Variants in MCCC1 observed in about 807,000 individuals in gnomAD.
MCCC1 encodes the protein methylcrotonyl-CoA carboxylase subunit 1.
MCCC1 carries 64 observed loss-of-function variants against 83.8 expected under a neutral mutation model. The ratio of observed to expected loss-of-function variants is 0.76; its 90% CI spans 0.62 to 0.94. The LOEUF (loss-of-function observed/expected upper bound fraction) is 0.94, where lower values mean the gene tolerates loss of function less well. Ranked by LOEUF, MCCC1 falls within the 40% of genes least tolerant of loss-of-function variation. MCCC1 has a pLI of 0.00. For missense variants in MCCC1, 807 were observed against 904.7 expected (o/e 0.89, Z 1.39); for synonymous variants, 322 against 315.4 (o/e 1.02, Z -0.22).
chr3:183,043,116 C>G (rs1041686327), intron 10 of MCCC1, among the ~76,000 whole-genome samples: 1 of 152,162 alleles, frequency 6.6e-6, no homozygotes, highest in Non-Finnish European at 1.5e-5. Flanking sequence ...ATGGTGAAAC[C>G]CTGTCTCTAC....
intron 1 of MCCC1, among the ~76,000 whole-genome samples, chr3:183,109,716 A>G (rs1010555169): frequency 1.3e-5 from 2 of 152,176 alleles, no homozygotes; most frequent in African/African-American, 2.4e-5. Flanking sequence ...TGATGAACAT[A>G]TGAGTGTGTG....
At chr3:183,105,527 A>G (rs1719388893) in intron 1 of MCCC1, among the ~76,000 whole-genome samples, 1 of 152,222 alleles carries the variant, frequency 6.6e-6, no homozygotes, top group Non-Finnish European at 1.5e-5. Context: ...ATATGCTTAT[A>G]TATGTAGAAA....
At chr3:183,081,476 C>G (rs185540628) in intron 4 of MCCC1, among the ~76,000 whole-genome samples, 15 of 152,314 alleles carry the variant, frequency 9.8e-5, no homozygotes, top group Admixed American at 5.2e-4. Flanking sequence ...GTTGTTGGTT[C>G]TACCCTCAAG....
At chr3:183,070,468 C>T (rs887309066) in intron 7 of MCCC1, among the ~76,000 whole-genome samples, 7 of 152,210 alleles carry the variant, frequency 4.6e-5, no homozygotes, top group African/African-American at 1.7e-4. Flanking sequence ...GGCACAGTGG[C>T]TCACGCCTGT....
intron 12 of MCCC1, among the ~76,000 whole-genome samples, chr3:183,038,130 C>G (rs1248934872): frequency 6.6e-6 from 1 of 152,174 alleles, no homozygotes; most frequent in African/African-American, 2.4e-5. Context: ...CATATGATGT[C>G]CCTGCCTTCA....
At chr3:183,096,616 A>G (rs1718756507) in intron 1 of MCCC1, among the ~76,000 whole-genome samples, 1 of 152,192 alleles carries the variant, frequency 6.6e-6, no homozygotes, top group Non-Finnish European at 1.5e-5. Flanking sequence ...ACACATCTAT[A>G]TGCGTCTATA....
At chr3:183,046,814 C>A (rs1714592345) in intron 9 of MCCC1, among the ~76,000 whole-genome samples, 1 of 152,170 alleles carries the variant, frequency 6.6e-6, no homozygotes, top group African/African-American at 2.4e-5. Context: ...TTAAATTTGT[C>A]AGAGAAATCA....
chr3:183,081,722 A>C (rs1322910964), intron 4 of MCCC1, among the ~76,000 whole-genome samples: 2 of 152,218 alleles, frequency 1.3e-5, no homozygotes, highest in Non-Finnish European at 2.9e-5. Context: ...CTCATATGCC[A>C]CTATTGTCTG....
chr3:183,018,712 T>A lies in MCCC1; in HGVS notation c.1978-1375A>T, dbSNP rs78498893. ...AGACACATTGCCAGTAGGGAAGGAC[T>A]AATATACTTAAATGTCTTCCCCAGA... On this transcript the variant is annotated intron_variant, in intron 17 of 18. Coordinates refer to ENST00000265594, the MANE Select transcript of MCCC1 (RefSeq NM_020166.5). Among the ~76,000 whole-genome samples, 113 of 152,342 alleles carry A rather than the reference T, an allele frequency of 7.4e-4. 1 individual carries two copies. The East Asian group carries it at 0.02, about 28-fold the overall frequency.
At chr3:183,109,360 CT>C (rs1476047234) in intron 1 of MCCC1, among the ~76,000 whole-genome samples, 2 of 152,174 alleles carry the variant, frequency 1.3e-5, no homozygotes, top group African/African-American at 4.8e-5. Flanking sequence ...TCCCGTCACC[CT>C]GGTGAGCATA....
intron 4 of MCCC1, among the ~76,000 whole-genome samples, chr3:183,072,893 T>G (rs1233376326): frequency 6.6e-6 from 1 of 152,214 alleles, no homozygotes; most frequent in Non-Finnish European, 1.5e-5. Context: ...TACTTTCTGT[T>G]TATGAATTTC....
At chr3:183,057,499 G>C (rs916047202) in intron 7 of MCCC1, 77 bp from the exon 8 acceptor site, 1 of 1,120,946 alleles carries the variant, frequency 8.9e-7, no homozygotes. Flanking sequence ...TAAACTGTTA[G>C]GCACAATCAC....
At chr3:183,034,131 T>A in intron 13 of MCCC1, 54 bp from the exon 14 acceptor site, 1 of 1,220,488 alleles carries the variant, frequency 8.2e-7, no homozygotes, top group South Asian at 1.2e-5. Flanking sequence ...GCCTATGAAA[T>A]TTACACCTTA....
rs774618245 is a variant in MCCC1, at chr3:183,057,387, C to T, written c.797G>A (p.Gly266Asp). Residue 266 changes from glycine to aspartate, a missense_variant, in exon 8 of 19, where the codon GGC becomes GAC. By Grantham distance (94) the Gly-to-Asp change is moderately conservative (BLOSUM62 -1). Transcript: ENST00000265594. ...VEVQVFGDHH[G>D]NAVYLFERDC... ...TCTTTCAAACAAGTACACAGCATTG[C>T]CATGGTGATCACCAAACACCTGGAC... The T allele has an allele frequency of 1.4e-5, 23 of 1,609,580 alleles. 1 individual carries two copies. The South Asian group carries it at 2.4e-4, about 17-fold the overall frequency.
At chr3:183,093,936 GTAGTTAT>G (rs1218584975) in intron 2 of MCCC1, among the ~76,000 whole-genome samples, 1 of 152,038 alleles carries the variant, frequency 6.6e-6, no homozygotes, top group Non-Finnish European at 1.5e-5. Flanking sequence ...TTAGACCATC[GTAGTTAT>G]GATTTTCCAA....
intron 9 of MCCC1, among the ~76,000 whole-genome samples, chr3:183,050,424 C>T (rs1270423524): frequency 2.0e-5 from 3 of 151,704 alleles, no homozygotes; most frequent in Admixed American, 2.0e-4. Context: ...GAAAGTCGGC[C>T]GGGCGCGGTG....
Position 183,037,380 on chromosome 3 carries a change from C to T in MCCC1, c.1432G>A (p.Glu478Lys). Residue 478 changes from glutamate (E) to lysine (K), a missense_variant, in exon 13 of 19, where the codon GAG (glutamate) becomes AAG (lysine). Transcript: ENST00000265594. ...GTGTGCACGTTCCCAGCTTCAAACT[C>T]TGGGTGGCCAGACAGGTTGAGTAAG... ...DFLLNLSGHP[E>K]FEAGNVHTDF... The T allele has an allele frequency of 1.2e-6, 2 of 1,614,166 alleles. No individual in the cohort carries two copies. Among genetic ancestry groups the T allele is most frequent in the Non-Finnish European group, 1.7e-6 (2 of 1,180,034 alleles).
intron 17 of MCCC1, among the ~76,000 whole-genome samples, chr3:183,018,466 T>C (rs1434964841): frequency 3.6e-5 from 5 of 139,550 alleles, no homozygotes; most frequent in African/African-American, 1.1e-4. Flanking sequence ...ATCAGAGGCC[T>C]ACAGGTCAAA....
At chr3:183,099,144 G>C in intron 1 of MCCC1, 1 of 617,220 alleles carries the variant, frequency 1.6e-6, no homozygotes, top group Non-Finnish European at 2.9e-6. Flanking sequence ...GCGTGGATGT[G>C]CGGAAGCGGG....
Sources: gnomAD v4.1 joint callset for allele counts (sites outside exome capture counted in the v4.1 genomes callset) on GRCh38, gnomAD v4.1.1 for gene constraint, MANE v1.5 for transcripts, NCBI Gene and HGNC (gene_info 2026-07-23, HGNC 2026-07-21) for gene names.